EVA1A: variants seen among roughly 807,000 people sequenced by gnomAD.
The protein encoded by EVA1A is protein eva-1 homolog A.
EVA1A carries 7 observed loss-of-function variants against 9.8 expected under a neutral mutation model. The ratio of observed to expected loss-of-function variants is 0.71; its 90% confidence interval spans 0.41 to 1.34. The LOEUF (loss-of-function observed/expected upper bound fraction) is 1.34, where lower values mean the gene tolerates loss of function less well. Among genes scored for constraint, EVA1A ranks in the 40% most tolerant of loss-of-function variants. The pLI is 0.01. For synonymous variants in EVA1A, 90 were observed against 85.6 expected (o/e 1.05, Z -0.28); for missense variants, 206 against 205.9 (o/e 1.00, Z 0.00).
At chr2:75,510,958 T>C (rs956194446) in intron 3 of EVA1A, among the ~76,000 whole-genome samples, 5 of 152,234 alleles carry the variant, frequency 3.3e-5, no homozygotes, top group Non-Finnish European at 5.9e-5. Flanking sequence ...CATTCATTTG[T>C]GCATTGTCTA....
At chr2:75,540,022 G>C (rs1213458657) in intron 1 of EVA1A, among the ~76,000 whole-genome samples, 1 of 152,132 alleles carries the variant, frequency 6.6e-6, no homozygotes, top group African/African-American at 2.4e-5. Context: ...AGGGAGAGAG[G>C]GAAGAAATAC....
At chr2:75,503,776 G>A (rs1235139848) in intron 3 of EVA1A, among the ~76,000 whole-genome samples, 1 of 152,222 alleles carries the variant, frequency 6.6e-6, no homozygotes, top group East Asian at 1.9e-4. Flanking sequence ...GGTGAGTGGA[G>A]GGTAGGAGGG....
chr2:75,500,996 ACTC>A (rs1034160403), intron 3 of EVA1A, among the ~76,000 whole-genome samples: 1 of 147,598 alleles, frequency 6.8e-6, no homozygotes, highest in African/African-American at 2.5e-5. Flanking sequence ...TTAAGATCTG[ACTC>A]CTATTATTTA....
chr2:75,549,008 ATTTTT>A (rs10552575), intron 1 of EVA1A, among the ~76,000 whole-genome samples: 1,309 of 85,364 alleles, frequency 0.015, 19 homozygotes, highest in African/African-American at 0.037. Flanking sequence ...ATATATATAT[ATTTTT>A]TTTTTTTTTA....
upstream of EVA1A, among the ~76,000 whole-genome samples, chr2:75,565,193 C>G (rs1677002668): frequency 6.6e-6 from 1 of 152,234 alleles, no homozygotes; most frequent in Admixed American, 6.5e-5. Flanking sequence ...CTGCACGATA[C>G]ACTCAGCTCT....
intron 1 of EVA1A, among the ~76,000 whole-genome samples, chr2:75,531,814 A>G (rs1188733096): frequency 6.6e-6 from 1 of 152,150 alleles, no homozygotes; most frequent in Non-Finnish European, 1.5e-5. Context: ...TACAGTATAC[A>G]CTGCTTGGGT....
chr2:75,524,706 C>A (rs538453696), intron 1 of EVA1A, among the ~76,000 whole-genome samples: 1 of 152,184 alleles, frequency 6.6e-6, no homozygotes, highest in East Asian at 1.9e-4. Flanking sequence ...ATAGAGGGCA[C>A]CCTACATGAA....
intron 3 of EVA1A, among the ~76,000 whole-genome samples, chr2:75,504,452 T>A (rs1255537753): frequency 6.6e-6 from 1 of 152,144 alleles, no homozygotes; most frequent in Non-Finnish European, 1.5e-5. Flanking sequence ...CTTTATGGCA[T>A]TCTGCCCCAC....
In EVA1A at chr2:75,534,060, C is replaced by T. The variant is rs574952716; in HGVS notation, c.-191-11573G>A. 2.0e-4 allele frequency among the ~76,000 whole-genome samples: 31 copies of T among 152,102 alleles called. 1 individual carries two copies. The South Asian group carries it at 5.8e-3, about 29-fold the overall frequency. On this transcript the variant is annotated intron_variant, in intron 1 of 3. Coordinates refer to ENST00000393913, the MANE Select transcript of EVA1A (RefSeq NM_001135032.2). ...ATCTCCTGACTTCGTGATCCTCCCA[C>T]CTCAGCCTCCCAATAATTTAAAAAA...
chr2:75,566,945 G>A (rs1199265720), intron 1 of EVA1A, among the ~76,000 whole-genome samples: 1 of 151,762 alleles, frequency 6.6e-6, no homozygotes, highest in Non-Finnish European at 1.5e-5. Context: ...AGCATAAACA[G>A]AACTTAAACA....
intron 3 of EVA1A, among the ~76,000 whole-genome samples, chr2:75,510,437 C>T (rs1572954831): frequency 6.6e-6 from 1 of 152,078 alleles, no homozygotes; most frequent in East Asian, 1.9e-4. Context: ...ATGAGAAAAC[C>T]CAGAACTACA....
intron 1 of EVA1A, among the ~76,000 whole-genome samples, chr2:75,535,890 C>G (rs2103916051): frequency 6.6e-6 from 1 of 152,192 alleles, no homozygotes. Flanking sequence ...TACGATTCAT[C>G]CATGTAACCA....
intron 1 of EVA1A, among the ~76,000 whole-genome samples, chr2:75,533,709 G>A (rs1057123845): frequency 6.6e-6 from 1 of 152,014 alleles, no homozygotes; most frequent in African/African-American, 2.4e-5. Flanking sequence ...GGTGGAGGCA[G>A]GAGGGTCACT....
chr2:75,550,593 GA>G (rs1384023121), intron 1 of EVA1A, among the ~76,000 whole-genome samples: 5 of 152,206 alleles, frequency 3.3e-5, no homozygotes, highest in African/African-American at 1.2e-4. Flanking sequence ...ACATGGTCTG[GA>G]CTTAACAACA....
intron 3 of EVA1A, among the ~76,000 whole-genome samples, chr2:75,508,873 C>T (rs923658110): frequency 2.0e-5 from 3 of 152,084 alleles, no homozygotes; most frequent in South Asian, 2.1e-4. Context: ...AAAGAACCTA[C>T]GTGACTATCG....
At chr2:75,565,041 A>C (rs1210538057), upstream of EVA1A, among the ~76,000 whole-genome samples, 1 of 152,220 alleles carries the variant, frequency 6.6e-6, no homozygotes, top group Non-Finnish European at 1.5e-5. Flanking sequence ...TGCAGTGAGA[A>C]TATGTCCCGA....
intron 1 of EVA1A, among the ~76,000 whole-genome samples, chr2:75,543,970 T>A (rs990676063): frequency 1.3e-5 from 2 of 152,192 alleles, no homozygotes; most frequent in African/African-American, 4.8e-5. Context: ...AAATTACATT[T>A]AAAAATATTT....
In EVA1A at chr2:75,493,198, C is replaced by T; in HGVS notation, c.*38G>A. On this transcript the variant is annotated 3_prime_UTR_variant, in exon 4 of 4. Transcript: ENST00000393913. Reference sequence around the variant, plus strand: ...CTGTCCCTGCAGACGCTCTCCTTTCCAGGCGGCCTCCAGTGGTTTCCGGGG... The same window carrying T: ...CTGTCCCTGCAGACGCTCTCCTTTCTAGGCGGCCTCCAGTGGTTTCCGGGG... The T allele has an allele frequency of 6.4e-7, 1 of 1,570,884 alleles. No individual in the cohort carries two copies. The highest frequency in any genetic ancestry group is 8.6e-7 in the Non-Finnish European group (1 of 1,158,302).
intron 3 of EVA1A, among the ~76,000 whole-genome samples, chr2:75,502,276 T>C (rs1396391235): frequency 2.0e-5 from 3 of 152,116 alleles, no homozygotes; most frequent in Non-Finnish European, 2.9e-5. Context: ...CATAAATCTA[T>C]CTCCATTTCT....
Sources: gnomAD v4.1 joint callset for allele counts (sites outside exome capture counted in the v4.1 genomes callset) on GRCh38, gnomAD v4.1.1 for gene constraint, MANE v1.5 for transcripts, NCBI Gene and HGNC (gene_info 2026-07-23, HGNC 2026-07-21) for gene names.